Variants in POU2F3 observed in about 807,000 individuals in gnomAD.
POU2F3 encodes the protein POU domain, class 2, transcription factor 3.
Under a neutral mutation model 59.2 loss-of-function variants are expected in POU2F3, and 23 were observed. The observed-to-expected ratio is 0.39, with a 90% confidence interval of 0.28 to 0.55. POU2F3 has a LOEUF of 0.55. POU2F3 is among the 20% of genes least tolerant of loss of function. The pLI is 0.66. For missense variants in POU2F3, 473 were observed against 544.5 expected (o/e 0.87, Z 1.31); for synonymous variants, 190 against 214.6 (o/e 0.89, Z 1.00).
At chr11:120,277,013 A>C (rs1156555796) in intron 3 of POU2F3, among the ~76,000 whole-genome samples, 1 of 152,196 alleles carries the variant, frequency 6.6e-6, no homozygotes, top group Non-Finnish European at 1.5e-5. Context: ...AATTACAAAA[A>C]TATGCATTTT....
intron 10 of POU2F3, among the ~76,000 whole-genome samples, chr11:120,313,443 T>C (rs770744777): frequency 7.9e-5 from 12 of 152,194 alleles, no homozygotes; most frequent in East Asian, 3.8e-4. Context: ...ACACTTGTGA[T>C]GTCATGAAGG....
At chr11:120,252,924 G>C (rs954906398) in intron 2 of POU2F3, among the ~76,000 whole-genome samples, 1 of 152,058 alleles carries the variant, frequency 6.6e-6, no homozygotes, top group Non-Finnish European at 1.5e-5. Context: ...TGCCACCTTT[G>C]CAGCCCCCAG....
At chr11:120,269,968 C>T (rs992417582) in intron 3 of POU2F3, among the ~76,000 whole-genome samples, 1 of 151,606 alleles carries the variant, frequency 6.6e-6, no homozygotes, top group Non-Finnish European at 1.5e-5. Flanking sequence ...AAGCAGATGG[C>T]GGGAGTGGGA....
At chr11:120,276,605 G>A (rs983179199) in intron 3 of POU2F3, among the ~76,000 whole-genome samples, 1 of 152,178 alleles carries the variant, frequency 6.6e-6, no homozygotes, top group Admixed American at 6.5e-5. Context: ...AAGAGAAGAG[G>A]ATGAGGAGCC....
rs1386712074 is a variant in POU2F3, at chr11:120,315,386, C to T, written c.1094C>T (p.Pro365Leu). The change falls in exon 11 of 13, where the codon CCC becomes CTC. Residue 365 changes from proline (P) to leucine (L), a missense_variant. Pro to Leu is a moderately conservative substitution (Grantham distance 98). Coordinates refer to ENST00000543440, the MANE Select transcript of POU2F3 (RefSeq NM_014352.4). Reference protein sequence around the residue: ...RLVSPSGSLGPLSVPPVHSTM... With the variant: ...RLVSPSGSLGLLSVPPVHSTM... ...GTATCTCCCTCAGGGTCTCTGGGCCCCCTCTCTGTCCCTCCTGTCCACAGT... is the reference window on the plus strand; with the variant it reads ...GTATCTCCCTCAGGGTCTCTGGGCCTCCTCTCTGTCCCTCCTGTCCACAGT... 4.3e-6 allele frequency: 7 copies of T among 1,613,732 alleles called. No homozygotes were observed. Among genetic ancestry groups the T allele is most frequent in the Non-Finnish European group, 5.9e-6 (7 of 1,179,640 alleles).
At chr11:120,303,613 C>T (rs533663209) in intron 6 of POU2F3, 1 of 152,280 alleles carries the variant, frequency 6.6e-6, no homozygotes, top group South Asian at 2.1e-4. Flanking sequence ...TCAAAGAGGA[C>T]TGGGGCTTTG....
chr11:120,236,747 C>G (rs1478925268), upstream of POU2F3: 3 of 1,432,972 alleles, frequency 2.1e-6, no homozygotes, highest in Non-Finnish European at 2.8e-6. Flanking sequence ...GCTCATCTAA[C>G]TGAAATGATC....
In POU2F3 at chr11:120,305,232, GAT is replaced by G; in HGVS notation, c.627+22_627+23del. On this transcript the variant is annotated intron_variant, in intron 7 of 12. Transcript: ENST00000543440. ...ACACAGGTTTGGTTTTAGGGGAAAA[GAT>G]AGAAGAAGTCTAGCCGAGCGGCTGG... 1 of 1,608,174 alleles carries G rather than the reference GAT, an allele frequency of 6.2e-7. No homozygotes were observed. Among genetic ancestry groups the G allele is most frequent in the Non-Finnish European group, 8.5e-7 (1 of 1,176,716 alleles).
rs528666228 is a variant in POU2F3 at position 120,289,851 on chromosome 11, C to G, written c.133-8414C>G. 9.8e-4 allele frequency among the ~76,000 whole-genome samples: 150 copies of G among 152,320 alleles called. 1 individual carries two copies. Among genetic ancestry groups the G allele is most frequent in the African/African-American group, 3.5e-3 (146 of 41,560 alleles). ...AATGGCAGCCTTTTCTTTGCCACCT[C>G]TTACCTGCTTCTGAATGTTAGAAGT... On this transcript the variant is annotated intron_variant, in intron 3 of 12. Coordinates refer to ENST00000543440, the MANE Select transcript of POU2F3 (RefSeq NM_014352.4).
chr11:120,262,090 G>A (rs1358613658), intron 2 of POU2F3, among the ~76,000 whole-genome samples: 1 of 152,248 alleles, frequency 6.6e-6, no homozygotes, highest in African/African-American at 2.4e-5. Flanking sequence ...ATATGGGGAG[G>A]AAGGAAAAGT....
chr11:120,269,176 C>T (rs372902219), intron 2 of POU2F3, 34 bp from the exon 3 acceptor site: 1,807 of 1,526,326 alleles, frequency 1.2e-3, no homozygotes, highest in Non-Finnish European at 1.6e-3. Context: ...AAACCTGCTA[C>T]CAACTAATAT....
At position 120,315,432 on chromosome 11, in the gene POU2F3, GC is replaced by G; in HGVS notation, c.1135+6del. On this transcript the variant is annotated splice_donor_region_variant and intron_variant, in intron 11 of 12. Coordinates refer to ENST00000543440, the MANE Select transcript of POU2F3 (RefSeq NM_014352.4). ...ACAGTACCATGCCTGGAACAGGTGA[GC>G]TTTAAAATGAGATTTCTGAAGAACA... The G allele has an allele frequency of 6.2e-7, 1 of 1,610,130 alleles. No individual in the cohort carries two copies. Among genetic ancestry groups the G allele is most frequent in the Non-Finnish European group, 8.5e-7 (1 of 1,176,450 alleles).
chr11:120,299,487 A>C, intron 4 of POU2F3, 137 bp from the exon 5 acceptor site: 9 of 642,174 alleles, frequency 1.4e-5, no homozygotes, highest in Non-Finnish European at 2.4e-5. Context: ...CACTGGGGAT[A>C]CACAGTGGCA....
intron 2 of POU2F3, among the ~76,000 whole-genome samples, chr11:120,248,298 C>T (rs1392337467): frequency 1.3e-5 from 2 of 152,126 alleles, no homozygotes; most frequent in Admixed American, 6.5e-5. Context: ...ATCAAACAGA[C>T]CTGGGATAAA....
rs1387394682 is a variant in POU2F3, at chr11:120,274,077, AAGAG to A, written c.132+4837_132+4840del. 2.7e-5 allele frequency among the ~76,000 whole-genome samples: 4 copies of A among 147,436 alleles called. 1 individual carries two copies. The highest frequency in any genetic ancestry group is 1.0e-4 in the African/African-American group (4 of 39,578). ...AGAAAGAAAGAGAGAAAGAAAGAAA[AAGAG>A]AGAAAGAAAGGAAGGAAGGAAGGAA... On this transcript the variant is annotated intron_variant, in intron 3 of 12. Transcript: ENST00000543440.
chr11:120,317,647 G>T (rs1941823671), intron 12 of POU2F3, among the ~76,000 whole-genome samples: 1 of 152,170 alleles, frequency 6.6e-6, no homozygotes, highest in South Asian at 2.1e-4. Flanking sequence ...AAACACTCAT[G>T]TCAGAAAGAG....
chr11:120,237,468 AT>A (rs1309313075), upstream of POU2F3, among the ~76,000 whole-genome samples: 12 of 151,816 alleles, frequency 7.9e-5, no homozygotes, highest in Non-Finnish European at 1.8e-4. Flanking sequence ...CCATATCCCC[AT>A]TCCCCCCAGA....
chr11:120,299,989 A>G (rs189396903), intron 5 of POU2F3, among the ~76,000 whole-genome samples: 1 of 152,144 alleles, frequency 6.6e-6, no homozygotes, highest in Non-Finnish European at 1.5e-5. Context: ...GTGAGTGGAG[A>G]CGGAAGGTGC....
intron 2 of POU2F3, chr11:120,250,387 T>C (rs1312631295): frequency 6.6e-6 from 1 of 152,282 alleles, no homozygotes; most frequent in South Asian, 2.1e-4. Context: ...GTCCTTCTAG[T>C]GCAGGAATTC....
Sources: gnomAD v4.1 joint callset for allele counts (sites outside exome capture counted in the v4.1 genomes callset) on GRCh38, gnomAD v4.1.1 for gene constraint, MANE v1.5 for transcripts, NCBI Gene and HGNC (gene_info 2026-07-23, HGNC 2026-07-21) for gene names.